Variants in CRISPLD2 observed in about 807,000 individuals in gnomAD.
The protein encoded by CRISPLD2 is cysteine-rich secretory protein LCCL domain-containing 2.
A neutral mutation model predicts 71.1 loss-of-function variants in CRISPLD2; 47 were observed. The observed-to-expected ratio is 0.66, with a 90% CI of 0.52 to 0.84. The LOEUF (loss-of-function observed/expected upper bound fraction) is 0.84. Among genes scored for constraint, CRISPLD2 ranks in the 40% least tolerant of loss-of-function variants. The probability of loss-of-function intolerance (pLI) is 0.00; values close to 1 mark genes in which losing one functional copy is unlikely to be tolerated. For synonymous variants in CRISPLD2, 317 were observed against 250.1 expected, an observed-to-expected ratio of 1.27 and a Z score of -2.52; for missense variants, 830 against 651.1, an observed-to-expected ratio of 1.27 and a Z score of -2.99.
At chr16:84,889,034 A>C (rs911543921) in intron 13 of CRISPLD2, among the ~76,000 whole-genome samples, 196 bp from the exon 14 acceptor site, 1 of 152,214 alleles carries the variant, frequency 6.6e-6, no homozygotes, top group Non-Finnish European at 1.5e-5. Context: ...TTGTTGAACA[A>C]ATGAATGAAT....
chr16:84,831,466 G>T (rs1028983827), intron 1 of CRISPLD2, among the ~76,000 whole-genome samples: 1 of 151,968 alleles, frequency 6.6e-6, no homozygotes, highest in East Asian at 1.9e-4. Flanking sequence ...GCAGTAGCAC[G>T]ATCTACAGTC....
chr16:84,889,086 A>C lies in CRISPLD2; in HGVS notation c.1306-144A>C, dbSNP rs78835544. ...CTCTGGAGAGACCCCCAAGGCATCA[A>C]GGTAGTGATGATTATTTCCTAAGGG... On this transcript the variant is annotated intron_variant, in intron 13 of 14. Coordinates refer to ENST00000262424, the MANE Select transcript of CRISPLD2 (RefSeq NM_031476.4). 1.7e-3 allele frequency: 1,531 copies of C among 893,382 alleles called. 13 individuals carry two copies. The African/African-American group carries it at 0.022, about 13-fold the overall frequency. The allele number at this position is 893,382 out of a possible 1,614,324, so 55.3% of individuals were successfully genotyped here.
chr16:84,881,036 C>G (rs923557688), intron 13 of CRISPLD2, among the ~76,000 whole-genome samples: 1 of 152,092 alleles, frequency 6.6e-6, no homozygotes, highest in African/African-American at 2.4e-5. Flanking sequence ...CCACTCATTT[C>G]TGCAAACATT....
chr16:84,844,705 A>G (rs1567684138), intron 2 of CRISPLD2, among the ~76,000 whole-genome samples: 2 of 151,672 alleles, frequency 1.3e-5, no homozygotes, highest in African/African-American at 2.4e-5. Flanking sequence ...TGCGGCATCC[A>G]TTCATCTCGG....
chr16:84,820,196 A>C (rs1201050983), intron 1 of CRISPLD2, 63 bp downstream of exon 1: 1 of 152,060 alleles, frequency 6.6e-6, no homozygotes, highest in African/African-American at 2.4e-5. Context: ...AGCTGGAATA[A>C]CTAGGACAGA....
chr16:84,825,190 G>C (rs13334124), intron 1 of CRISPLD2, among the ~76,000 whole-genome samples: 24,509 of 151,892 alleles, frequency 0.16, 2,027 homozygotes, highest in East Asian at 0.21. Context: ...CAAAGGACAG[G>C]GTTTGGGAAA....
intron 13 of CRISPLD2, among the ~76,000 whole-genome samples, chr16:84,885,964 A>G (rs1031868905): frequency 6.6e-6 from 1 of 151,956 alleles, no homozygotes; most frequent in Non-Finnish European, 1.5e-5. Flanking sequence ...AACTACAGGC[A>G]TGTGCCACAA....
chr16:84,862,555 G>A (rs1272332428), intron 6 of CRISPLD2, among the ~76,000 whole-genome samples: 1 of 151,664 alleles, frequency 6.6e-6, no homozygotes, highest in East Asian at 1.9e-4. Flanking sequence ...AATAACACAG[G>A]TTTCTGGTGC....
intron 6 of CRISPLD2, among the ~76,000 whole-genome samples, chr16:84,860,055 C>A (rs1472395314): frequency 2.1e-5 from 3 of 146,186 alleles, no homozygotes; most frequent in Non-Finnish European, 4.5e-5. Context: ...AATGACTAAT[C>A]CACTCTACCA....
At chr16:84,833,926 T>C (rs1053312026) in intron 1 of CRISPLD2, among the ~76,000 whole-genome samples, 9 of 152,084 alleles carry the variant, frequency 5.9e-5, no homozygotes, top group African/African-American at 1.9e-4. Flanking sequence ...ATTCGGTTGT[T>C]TGGTTTGGGA....
intron 3 of CRISPLD2, among the ~76,000 whole-genome samples, chr16:84,847,041 G>T (rs541000073): frequency 2.0e-5 from 3 of 152,230 alleles, no homozygotes; most frequent in Admixed American, 2.0e-4. Flanking sequence ...ACCTGTGACC[G>T]TGCCATGCCC....
intron 14 of CRISPLD2, among the ~76,000 whole-genome samples, chr16:84,894,862 G>A (rs2071692692): frequency 6.6e-6 from 1 of 152,032 alleles, no homozygotes; most frequent in Non-Finnish European, 1.5e-5. Flanking sequence ...TACTGTATTA[G>A]ACAACTCAGC....
intron 14 of CRISPLD2, among the ~76,000 whole-genome samples, chr16:84,902,097 C>G (rs546657706): frequency 1.3e-5 from 2 of 152,138 alleles, no homozygotes; most frequent in African/African-American, 2.4e-5. Flanking sequence ...CCGCGCCTGG[C>G]CCTGGTTGCA....
At chr16:84,883,484 T>A (rs2071585724) in intron 13 of CRISPLD2, among the ~76,000 whole-genome samples, 1 of 152,192 alleles carries the variant, frequency 6.6e-6, no homozygotes, top group South Asian at 2.1e-4. Context: ...CCTCTGAACC[T>A]CAGTCTTCTG....
At chr16:84,827,813 C>T (rs1288239095) in intron 1 of CRISPLD2, among the ~76,000 whole-genome samples, 1 of 152,006 alleles carries the variant, frequency 6.6e-6, no homozygotes, top group Non-Finnish European at 1.5e-5. Flanking sequence ...GTGATCTGCC[C>T]TTCTCAGCCT....
intron 3 of CRISPLD2, among the ~76,000 whole-genome samples, chr16:84,848,271 C>G (rs955652833): frequency 3.3e-5 from 5 of 152,186 alleles, no homozygotes; most frequent in Non-Finnish European, 7.3e-5. Flanking sequence ...TGCCGCTGCC[C>G]GCTGCCGTGC....
intron 7 of CRISPLD2, among the ~76,000 whole-genome samples, chr16:84,868,233 G>C (rs149729833): frequency 3.9e-4 from 60 of 152,328 alleles, no homozygotes; most frequent in Middle Eastern, 3.4e-3. Flanking sequence ...GAAACCTGCG[G>C]AGGCCCTTGT....
intron 1 of CRISPLD2, among the ~76,000 whole-genome samples, chr16:84,824,997 G>A (rs1053119024): frequency 3.3e-5 from 5 of 152,060 alleles, no homozygotes; most frequent in East Asian, 3.9e-4. Context: ...CCAGCTACTC[G>A]GGAGGCTGAG....
intron 1 of CRISPLD2, among the ~76,000 whole-genome samples, chr16:84,827,306 C>A (rs1402094163): frequency 6.6e-6 from 1 of 152,106 alleles, no homozygotes; most frequent in African/African-American, 2.4e-5. Flanking sequence ...TGTTGCAAGG[C>A]TTTTGCGACA....
Sources: allele counts gnomAD v4.1 joint callset (sites outside exome capture counted in the v4.1 genomes callset), GRCh38; gene constraint gnomAD v4.1.1; transcripts MANE v1.5; gene names NCBI Gene and HGNC (gene_info 2026-07-23, HGNC 2026-07-21).